The following AKAP6 variants were observed in gnomAD, a reference collection of about 807,000 sequenced individuals.
AKAP6 encodes A-kinase anchor protein 6.
Under a neutral mutation model 188.5 loss-of-function variants are expected in AKAP6, and 58 were observed. The observed-to-expected ratio is 0.31, with a 90% CI of 0.25 to 0.38. The LOEUF is 0.38. AKAP6 is among the 10% of genes least tolerant of loss of function. AKAP6 has a pLI of 1.00. For synonymous variants in AKAP6, 989 were observed against 998.6 expected (o/e 0.99, Z 0.18); for missense variants, 2,710 against 2,740.0 (o/e 0.99, Z 0.24).
At chr14:32,609,617 G>A (rs1221613321) in intron 7 of AKAP6, among the ~76,000 whole-genome samples, 1 of 152,086 alleles carries the variant, frequency 6.6e-6, no homozygotes, top group Non-Finnish European at 1.5e-5. Context: ...CAAGGTTGTG[G>A]ACCTCCCTGA....
At chr14:32,605,544 G>A (rs1437196258) in intron 7 of AKAP6, among the ~76,000 whole-genome samples, 10 of 152,148 alleles carry the variant, frequency 6.6e-5, no homozygotes, top group Non-Finnish European at 1.5e-4. Context: ...ATCCAAGCCA[G>A]AGTGAGGTCT....
At chr14:32,556,441 C>T (rs7158896) in intron 4 of AKAP6, among the ~76,000 whole-genome samples, 43,357 of 151,984 alleles carry the variant, frequency 0.29, 6,237 homozygotes, top group East Asian at 0.37. Context: ...CTCCCAGGCT[C>T]AATCGATCCA....
At chr14:32,606,623 C>G (rs1886135935) in intron 7 of AKAP6, among the ~76,000 whole-genome samples, 1 of 152,144 alleles carries the variant, frequency 6.6e-6, no homozygotes, top group Non-Finnish European at 1.5e-5. Flanking sequence ...AACTTTACAG[C>G]TACTACGAGG....
chr14:32,779,769 TA>T (rs1490992440), intron 12 of AKAP6, among the ~76,000 whole-genome samples: 3 of 152,050 alleles, frequency 2.0e-5, no homozygotes. Context: ...GAAAAATCAG[TA>T]AAGATATAAA....
intron 12 of AKAP6, among the ~76,000 whole-genome samples, chr14:32,806,504 C>G (rs945746017): frequency 9.2e-5 from 14 of 152,160 alleles, no homozygotes; most frequent in African/African-American, 3.4e-4. Flanking sequence ...TGGCAAAACC[C>G]CTTCTCTACT....
intron 2 of AKAP6, among the ~76,000 whole-genome samples, chr14:32,451,165 A>G (rs772664268): frequency 3.2e-4 from 48 of 152,230 alleles, no homozygotes; most frequent in Non-Finnish European, 4.0e-4. Context: ...CATCAAGACT[A>G]AATTTTATAC....
At chr14:32,812,029 G>A (rs1372072275) in intron 12 of AKAP6, among the ~76,000 whole-genome samples, 1 of 152,142 alleles carries the variant, frequency 6.6e-6, no homozygotes, top group Non-Finnish European at 1.5e-5. Context: ...TTTTCATAAA[G>A]GAGGGAGAAG....
chr14:32,635,165 T>C (rs186568415), intron 7 of AKAP6, among the ~76,000 whole-genome samples: 46 of 152,130 alleles, frequency 3.0e-4, no homozygotes, highest in African/African-American at 1.1e-3. Flanking sequence ...TATTTTCAGA[T>C]TGGAAAATAA....
intron 4 of AKAP6, among the ~76,000 whole-genome samples, chr14:32,553,825 T>C (rs1448159720): frequency 1.3e-5 from 2 of 152,314 alleles, no homozygotes; most frequent in Non-Finnish European, 2.9e-5. Context: ...TTTGCTTAAC[T>C]CTGGCTGATT....
intron 1 of AKAP6, among the ~76,000 whole-genome samples, chr14:32,343,295 A>G (rs1479515534): frequency 6.6e-6 from 1 of 152,154 alleles, no homozygotes; most frequent in African/African-American, 2.4e-5. Context: ...CCTAGGATAC[A>G]GGAGGTGCTC....
At chr14:32,622,753 G>A (rs72642562) in intron 7 of AKAP6, among the ~76,000 whole-genome samples, 14,838 of 152,086 alleles carry the variant, frequency 0.098, 1,365 homozygotes, top group East Asian at 0.52. Flanking sequence ...CTGTGGCCAC[G>A]AGCTGGGCTA....
chr14:32,514,833 A>G (rs1881435927), intron 2 of AKAP6, among the ~76,000 whole-genome samples: 1 of 152,100 alleles, frequency 6.6e-6, no homozygotes, highest in Non-Finnish European at 1.5e-5. Context: ...AATGGCCTGA[A>G]CCCAGCATAG....
At chr14:32,679,597 C>T (rs369829531) in intron 8 of AKAP6, among the ~76,000 whole-genome samples, 65 of 152,168 alleles carry the variant, frequency 4.3e-4, no homozygotes, top group African/African-American at 1.5e-3. Flanking sequence ...AAATTAAGTA[C>T]ACTGATGAAA....
At position 32,830,038 on chromosome 14, in the gene AKAP6, G is replaced by C. The variant is rs1432752347; in HGVS notation, c.*233G>C. Reference sequence around the variant, plus strand: ...TGGTTCTCTTTAGGTGATCGTCTTTGAAGTTCAGCAAAGCTGCTTGTTCTC... The same window carrying C: ...TGGTTCTCTTTAGGTGATCGTCTTTCAAGTTCAGCAAAGCTGCTTGTTCTC... On this transcript the variant is annotated 3_prime_UTR_variant, in exon 14 of 14. Transcript: ENST00000280979. The C allele has an allele frequency of 2.9e-6, 2 of 690,870 alleles. No homozygotes were observed. Among genetic ancestry groups the C allele is most frequent in the South Asian group, 3.0e-5 (2 of 66,382 alleles). The allele number at this position is 690,870 out of a possible 1,614,324, so 42.8% of individuals were successfully genotyped here. A position where few individuals can be genotyped will look rare whatever the true frequency, so the allele number is the denominator to read the frequency against.
intron 4 of AKAP6, among the ~76,000 whole-genome samples, chr14:32,564,649 A>G (rs566188950): frequency 6.6e-6 from 1 of 152,292 alleles, no homozygotes; most frequent in East Asian, 1.9e-4. Context: ...TCAGGCTTTG[A>G]AGGAAGCTCT....
At chr14:32,615,411 CT>C (rs199960304) in intron 7 of AKAP6, among the ~76,000 whole-genome samples, 225 of 142,298 alleles carry the variant, frequency 1.6e-3, no homozygotes, top group Middle Eastern at 7.2e-3. Context: ...TAAGTTCCTT[CT>C]TTTTTTTTTT....
intron 11 of AKAP6, among the ~76,000 whole-genome samples, chr14:32,750,745 T>TTG (rs1331410065): frequency 1.8e-4 from 26 of 141,486 alleles, no homozygotes; most frequent in Admixed American, 7.6e-4. Flanking sequence ...TTGTTTTTTT[T>TTG]TTTTTGTTTT....
intron 10 of AKAP6, 77 bp from the exon 11 acceptor site, chr14:32,735,581 T>C (rs1365712169): frequency 5.3e-6 from 6 of 1,124,158 alleles, no homozygotes; most frequent in Non-Finnish European, 7.5e-6. Context: ...TTAATCTATG[T>C]TTTTGTTTTT....
intron 2 of AKAP6, among the ~76,000 whole-genome samples, chr14:32,489,353 C>T (rs1052607427): frequency 6.6e-6 from 1 of 152,056 alleles, no homozygotes; most frequent in African/African-American, 2.4e-5. Context: ...GGACTCCAGG[C>T]AGATGCCACC....
Sources: gnomAD v4.1 joint callset for allele counts (sites outside exome capture counted in the v4.1 genomes callset) on GRCh38, gnomAD v4.1.1 for gene constraint, MANE v1.5 for transcripts, NCBI Gene and HGNC (gene_info 2026-07-23, HGNC 2026-07-21) for gene names.